SEMA4C: variants seen among roughly 807,000 people sequenced by gnomAD.
The protein encoded by SEMA4C is semaphorin-4C.
SEMA4C carries 19 observed loss-of-function variants against 89.0 expected under a neutral mutation model. The observed-to-expected ratio is 0.21, with a 90% CI of 0.15 to 0.31. The LOEUF (loss-of-function observed/expected upper bound fraction) is 0.31. Among genes scored for constraint, SEMA4C ranks in the 10% least tolerant of loss-of-function variants. The pLI is 1.00. For missense variants in SEMA4C, 811 were observed against 1,107.0 expected (o/e 0.73, Z 3.79); for synonymous variants, 428 against 472.7 (o/e 0.91, Z 1.23).
Position 96,868,768 on chromosome 2 carries a change from G to A in SEMA4C, c.-37-845C>T. Reference sequence around the variant, plus strand: ...GGGGGAGGTAGGGGCGGGGACGCGAGGGGGTTCCTCCCGGGCCGCTGGCAA... The same window carrying A: ...GGGGGAGGTAGGGGCGGGGACGCGAAGGGGTTCCTCCCGGGCCGCTGGCAA... On this transcript the variant is annotated intron_variant, in intron 1 of 14. Coordinates refer to ENST00000305476, the MANE Select transcript of SEMA4C (RefSeq NM_017789.5). 3.0e-6 allele frequency: 3 copies of A among 985,108 alleles called. No individual in the cohort carries two copies. The African/African-American group carries it at 5.2e-5, about 17-fold the overall frequency. 61.0% of individuals were successfully genotyped at this position (985,108 alleles called of 1,614,324 possible). A position where few individuals can be genotyped will look rare whatever the true frequency, so the allele number is the denominator to read the frequency against.
At position 96,865,387 on chromosome 2, in the gene SEMA4C, A is replaced by G. The variant is rs865989730; in HGVS notation, c.517+54T>C. 1.1e-5 allele frequency: 18 copies of G among 1,611,004 alleles called. No individual in the cohort carries two copies. In the South Asian group the frequency reaches 1.8e-4, roughly 16 times the overall value. On this transcript the variant is annotated intron_variant, in intron 6 of 14. Transcript: ENST00000305476. Reference sequence around the variant, plus strand: ...GACACATCCGGCCAACACAGACCCAAGTGGAACCAAGCCCCAAGGACTCAC... The same window carrying G: ...GACACATCCGGCCAACACAGACCCAGGTGGAACCAAGCCCCAAGGACTCAC...
At position 96,861,397 on chromosome 2, in the gene SEMA4C, GCAGGGCAGCAC is replaced by G; in HGVS notation, c.1720_1730del (p.Val574ProfsTer62). The G allele has an allele frequency of 6.2e-7, 1 of 1,610,108 alleles. No homozygotes were observed. Among genetic ancestry groups the G allele is most frequent in the Non-Finnish European group, 8.5e-7 (1 of 1,180,000 alleles). Reference sequence around the variant, plus strand: ...CATGGGCCAAGTTGGAGGAGAGGTGGCAGGGCAGCACCAGGTCTGTGCCCGCCACCACCGTG... The same window carrying G: ...CATGGGCCAAGTTGGAGGAGAGGTGGCAGGTCTGTGCCCGCCACCACCGTG... On this transcript the variant is annotated frameshift_variant, in exon 15 of 15. Transcript: ENST00000305476. LOFTEE classifies it high-confidence loss of function. The surrounding 1 kb of genome is among the most constrained non-coding windows in gnomAD (Gnocchi z 7.8).
intron 4 of SEMA4C, 28 bp from the exon 5 acceptor site, chr2:96,865,792 G>A (rs748125513): frequency 1.3e-5 from 21 of 1,613,670 alleles, no homozygotes; most frequent in Non-Finnish European, 1.7e-5. Context: ...TCCGGTTAGT[G>A]AGAGCGCGAG....
intron 2 of SEMA4C, among the ~76,000 whole-genome samples, chr2:96,867,202 G>A (rs1418815500): frequency 6.6e-6 from 1 of 152,222 alleles, no homozygotes; most frequent in Non-Finnish European, 1.5e-5. Flanking sequence ...AGACCGGCAT[G>A]GCAGGGCTTC....
In SEMA4C at chr2:96,865,130, G is replaced by A; in HGVS notation, c.635-15C>T. On this transcript the variant is annotated splice_polypyrimidine_tract_variant and intron_variant, in intron 7 of 14. Coordinates refer to ENST00000305476, the MANE Select transcript of SEMA4C (RefSeq NM_017789.5). ...AAAGTGAGGTTCTGTGGGAAGGGGAGGAGGTCAGCAGGGAGGGGCTGGGCC... is the reference window on the plus strand; with the variant it reads ...AAAGTGAGGTTCTGTGGGAAGGGGAAGAGGTCAGCAGGGAGGGGCTGGGCC... 3 of 1,589,688 alleles carry A rather than the reference G, an allele frequency of 1.9e-6. No individual in the cohort carries two copies. Among genetic ancestry groups the A allele is most frequent in the Non-Finnish European group, 8.6e-7 (1 of 1,168,030 alleles).
intron 1 of SEMA4C, chr2:96,869,643 C>T: frequency 1.0e-6 from 1 of 985,244 alleles, no homozygotes; most frequent in Non-Finnish European, 1.2e-6. Context: ...CGCGCCCCTC[C>T]GGCCCCGGGG....
chr2:96,868,198 C>A lies in SEMA4C; in HGVS notation c.-37-275G>T, dbSNP rs552915581. On this transcript the variant is annotated intron_variant, in intron 1 of 14. Coordinates refer to ENST00000305476, the MANE Select transcript of SEMA4C (RefSeq NM_017789.5). Reference sequence around the variant, plus strand: ...GCCTCCAGACCCACCACTACCTCTGCGCAACAGGAAATCATTTGAGAAATA... The same window carrying A: ...GCCTCCAGACCCACCACTACCTCTGAGCAACAGGAAATCATTTGAGAAATA... Among the ~76,000 whole-genome samples, 84 of 152,330 alleles carry A rather than the reference C, an allele frequency of 5.5e-4. 3 individuals are homozygous for A. The South Asian group carries it at 0.016, about 29-fold the overall frequency.
At position 96,860,958 on chromosome 2, in the gene SEMA4C, G is replaced by A. The variant is rs2079927711; in HGVS notation, c.2170C>T (p.Pro724Ser). Residue 724 changes from proline (P) to serine (S), a missense_variant, in exon 15 of 15, where the codon CCT (proline) becomes TCT (serine). Pro to Ser is a moderately conservative substitution (Grantham distance 74, BLOSUM62 -1). Coordinates refer to ENST00000305476, the MANE Select transcript of SEMA4C (RefSeq NM_017789.5). ...TCCCAAAGTTTCTCATCTGGTTCAG[G>A]ACAGGGCCGGAAGGGGGGACTGGTG... ...EPTSPPFRPC[P>S]EPDEKLWDPV... 2.5e-6 allele frequency: 4 copies of A among 1,613,048 alleles called. No individual in the cohort carries two copies. Among genetic ancestry groups the A allele is most frequent in the Non-Finnish European group, 3.4e-6 (4 of 1,180,026 alleles).
chr2:96,868,293 C>A, intron 1 of SEMA4C: 1 of 494,342 alleles, frequency 2.0e-6, no homozygotes, highest in South Asian at 5.5e-5. Flanking sequence ...GAACCTCAGG[C>A]AGCAGGCCTT....
upstream of SEMA4C, chr2:96,870,546 C>G (rs1488870854): frequency 1.0e-6 from 1 of 985,370 alleles, no homozygotes; most frequent in Non-Finnish European, 1.2e-6. Flanking sequence ...CCAGAGGGGT[C>G]TGCCGTTTGG....
chr2:96,864,660 GAA>G lies in SEMA4C; in HGVS notation c.962+43_962+44del, dbSNP rs774255954. 5 of 1,568,166 alleles carry G rather than the reference GAA, an allele frequency of 3.2e-6. No individual in the cohort carries two copies. The Admixed American group carries it at 8.8e-5, about 28-fold the overall frequency. On this transcript the variant is annotated intron_variant, in intron 9 of 14. Coordinates refer to ENST00000305476, the MANE Select transcript of SEMA4C (RefSeq NM_017789.5). The surrounding 1 kb of genome is among the most constrained non-coding windows in gnomAD (Gnocchi z 6.3). ...CCCACCCATGCACCGTCCCTGACCT[GAA>G]CCCCAGCTCCTCCCCACTCTGTGGG...
intron 12 of SEMA4C, chr2:96,863,081 G>C (rs932702933): frequency 8.6e-5 from 17 of 196,616 alleles, no homozygotes; most frequent in Non-Finnish European, 1.0e-4. Context: ...ATAGTGGCAG[G>C]CACCTGTAAT....
intron 11 of SEMA4C, 41 bp downstream of exon 11, chr2:96,863,884 GC>G: frequency 3.8e-6 from 6 of 1,596,886 alleles, no homozygotes; most frequent in Non-Finnish European, 5.1e-6. Context: ...ACGGGCTTCT[GC>G]CCAGCCTTGA....
intron 1 of SEMA4C, chr2:96,869,394 C>G: frequency 3.0e-6 from 3 of 985,246 alleles, no homozygotes; most frequent in Non-Finnish European, 3.6e-6. Context: ...GGCGAGCGCT[C>G]CAGCCGGGGA....
upstream of SEMA4C, chr2:96,870,601 T>C: frequency 4.1e-6 from 4 of 985,524 alleles, no homozygotes; most frequent in Non-Finnish European, 4.8e-6. Flanking sequence ...CACTGGTCCC[T>C]GCCCTCAAGT....
At chr2:96,862,025 G>A in intron 12 of SEMA4C, 131 bp from the exon 13 acceptor site, 4 of 923,976 alleles carry the variant, frequency 4.3e-6, no homozygotes, top group Non-Finnish European at 6.5e-6. Flanking sequence ...CCAGAAGGAG[G>A]AACAAGGGAA....
intron 1 of SEMA4C, chr2:96,869,647 C>T (rs2080163718): frequency 1.0e-6 from 1 of 985,130 alleles, no homozygotes; most frequent in South Asian, 4.7e-5. Context: ...CCCCTCCGGC[C>T]CCGGGGCTGC....
Position 96,861,004 on chromosome 2 carries a change from G to A in SEMA4C, c.2124C>T (p.Pro708=), listed in dbSNP as rs144309418. 2.1e-5 allele frequency: 34 copies of A among 1,612,828 alleles called. No homozygotes were observed. In the Admixed American group the frequency reaches 5.7e-4, roughly 27 times the overall value. ...TGGTGGGCTCCTTGGGCAGCTCCAG[G>A]GGGTACACCAAGGTCCTCTCAGTAG... ...AKATERTLVY[P]LELPKEPTSP... Residue 708 remains proline (P), a synonymous_variant, in exon 15 of 15, where the codon CCC becomes CCT. Coordinates refer to ENST00000305476, the MANE Select transcript of SEMA4C (RefSeq NM_017789.5). This position sits in a 1 kb window ranked among gnomAD's most constrained non-coding sequence, Gnocchi z 7.8.
In SEMA4C at chr2:96,866,390, G is replaced by C. The variant is rs1269676674; in HGVS notation, c.151C>G (p.Gln51Glu). 1 of 1,613,948 alleles carries C rather than the reference G, an allele frequency of 6.2e-7. No individual in the cohort carries two copies. The highest frequency in any genetic ancestry group is 1.7e-5 in the Admixed American group (1 of 60,034). ...GTCAGCGTCAGTGTCAGGAAGTCCTGGATGCCGGTCTGGGAGAACCGCCGT... is the reference window on the plus strand; with the variant it reads ...GTCAGCGTCAGTGTCAGGAAGTCCTCGATGCCGGTCTGGGAGAACCGCCGT... ...VVRRFSQTGI[Q>E]DFLTLTLTEP... Residue 51 changes from glutamine to glutamate, a missense_variant, in exon 3 of 15, where the codon CAG (glutamine) becomes GAG (glutamate). Gln to Glu is a conservative substitution (Grantham distance 29, BLOSUM62 2). Around this residue, in one of 4 missense-constraint regions of SEMA4C, gnomAD observed 119 missense variants for 152.7 expected, o/e 0.78. Transcript: ENST00000305476.
Sources: gnomAD v4.1 joint callset for allele counts (sites outside exome capture counted in the v4.1 genomes callset) on GRCh38, gnomAD v4.1.1 for gene constraint, gnomAD v4.1.1 regional missense constraint, Gnocchi (gnomAD v3.1) non-coding constraint, MANE v1.5 for transcripts, NCBI Gene and HGNC (gene_info 2026-07-23, HGNC 2026-07-21) for gene names.